TLR10: variants seen among roughly 807,000 people sequenced by gnomAD.
The protein encoded by TLR10 is toll like receptor 10, also known as toll-like receptor 10.
For synonymous variants in TLR10, 288 were observed against 338.8 expected, an observed-to-expected ratio of 0.85 and a Z score of 1.65; for missense variants, 929 against 932.9, an observed-to-expected ratio of 1.00 and a Z score of 0.05.
At chr4:38,779,885 T>C (rs1380590147) in intron 1 of TLR10, among the ~76,000 whole-genome samples, 1 of 152,226 alleles carries the variant, frequency 6.6e-6, no homozygotes. Flanking sequence ...GTCTGTCTTG[T>C]TCACTTCTGT....
At position 38,775,414 on chromosome 4, in the gene TLR10, G is replaced by A; in HGVS notation, c.177C>T (p.Leu59=). ...AATCTGAACTCTGGAGTTGAAAAAGGAGGTTATAGGATAAATCCAGTGTCG... is the reference window on the plus strand; with the variant it reads ...AATCTGAACTCTGGAGTTGAAAAAGAAGGTTATAGGATAAATCCAGTGTCG... ...ATTTLDLSYN[L]LFQLQSSDFH... is the part of the protein sequence containing the mutation. Residue 59 remains leucine, a synonymous_variant, in exon 4 of 4, where the codon CTC becomes CTT. Transcript: ENST00000308973. 1 of 1,614,138 alleles carries A rather than the reference G, an allele frequency of 6.2e-7. No individual in the cohort carries two copies. The highest frequency in any genetic ancestry group is 1.1e-5 in the South Asian group (1 of 91,078).
rs1482063892 is a variant in TLR10 at position 38,774,993 on chromosome 4, C to T, written c.598G>A (p.Asp200Asn). 1 of 1,613,166 alleles carries T rather than the reference C, an allele frequency of 6.2e-7. No individual in the cohort carries two copies. The highest frequency in any genetic ancestry group is 8.5e-7 in the Non-Finnish European group (1 of 1,179,780). ...TTKLHIVLPM[D>N]TNFWVLLRDG... ...CGCAAAAGAACCCAGAAATTTGTGTCCATTGGTAAAACAATGTGCAGTTTT... is the reference window on the plus strand; with the variant it reads ...CGCAAAAGAACCCAGAAATTTGTGTTCATTGGTAAAACAATGTGCAGTTTT... The change falls in exon 4 of 4, where the codon GAC becomes AAC. Residue 200 changes from aspartate (D) to asparagine (N), a missense_variant. Transcript: ENST00000308973.
chr4:38,777,444 AC>A (rs1299197555), intron 1 of TLR10, among the ~76,000 whole-genome samples: 31 of 152,298 alleles, frequency 2.0e-4, no homozygotes, highest in African/African-American at 6.0e-4. Flanking sequence ...GAAATAAGAA[AC>A]CAGCAGAAGA....
chr4:38,779,682 G>A (rs1383901112), intron 1 of TLR10, among the ~76,000 whole-genome samples: 3 of 152,084 alleles, frequency 2.0e-5, no homozygotes, highest in Admixed American at 6.6e-5. Flanking sequence ...AATGTATAAT[G>A]ATAAACTTTA....
At chr4:38,778,429 A>AAAATAAATAAAT (rs140633479) in intron 1 of TLR10, among the ~76,000 whole-genome samples, 2,457 of 149,094 alleles carry the variant, frequency 0.016, 49 homozygotes, top group East Asian at 0.08. Context: ...CTTACAGTAT[A>AAAATAAATAAAT]AAATAAATAA....
At position 38,773,345 on chromosome 4, in the gene TLR10, A is replaced by G. The variant is rs1299931252; in HGVS notation, c.2246T>C (p.Leu749Pro). The change falls in exon 4 of 4, where the codon CTG becomes CCG. Residue 749 changes from leucine to proline, a missense_variant. Leu to Pro is a moderately conservative substitution (Grantham distance 98). Coordinates refer to ENST00000308973, the MANE Select transcript of TLR10 (RefSeq NM_030956.4). ...CCATTCCAAGTATGCTTTTTTTTCC[A>G]GGAGAGCTTTCAGTTTATGATACCT... Reference protein sequence around the residue: ...PTRYHKLKALLEKKAYLEWPK... With the variant: ...PTRYHKLKALPEKKAYLEWPK... The G allele has an allele frequency of 1.9e-6, 3 of 1,613,304 alleles. No individual in the cohort carries two copies. Among genetic ancestry groups the G allele is most frequent in the Admixed American group, 3.3e-5 (2 of 59,780 alleles).
chr4:38,778,268 A>G (rs577135740), intron 1 of TLR10, among the ~76,000 whole-genome samples: 4 of 151,524 alleles, frequency 2.6e-5, no homozygotes, highest in Non-Finnish European at 5.9e-5. Context: ...ATTGACACAC[A>G]CCGGGGCCTG....
rs201896298 is a variant in TLR10 at position 38,773,939 on chromosome 4, T to A, written c.1652A>T (p.Tyr551Phe). The A allele has an allele frequency of 3.8e-6, 6 of 1,581,798 alleles. No homozygotes were observed. The East Asian group carries it at 1.1e-4, about 30-fold the overall frequency. ...TAGGTTTAAAGGGTATTCACAGGTG[T>A]ATGAATCTGACCATCCAACCATCAT... Reference protein sequence around the residue: ...EVMMVGWSDSYTCEYPLNLRG... With the variant: ...EVMMVGWSDSFTCEYPLNLRG... Residue 551 changes from tyrosine to phenylalanine, a missense_variant, in exon 4 of 4, where the codon TAC becomes TTC. Tyr to Phe is a conservative substitution (Grantham distance 22). Coordinates refer to ENST00000308973, the MANE Select transcript of TLR10 (RefSeq NM_030956.4).
rs1724833059 is a variant in TLR10, at chr4:38,773,921, A to C, written c.1670T>G (p.Leu557Ter). ...WSDSYTCEYPLNLRGTRLKDV... is the reference protein window; with the variant it reads ...WSDSYTCEYP ...TTTTAACCTAGTTCCCCTTAGGTTT[A>C]AAGGGTATTCACAGGTGTATGAATC... The change falls in exon 4 of 4, where the codon TTA becomes TGA. Residue 557 changes from leucine (L) to a stop codon, truncating the protein, a stop_gained. Coordinates refer to ENST00000308973, the MANE Select transcript of TLR10 (RefSeq NM_030956.4). LOFTEE classifies it low-confidence loss of function (END_TRUNC). The C allele has an allele frequency of 6.3e-7, 1 of 1,589,822 alleles. No individual in the cohort carries two copies. Among genetic ancestry groups the C allele is most frequent in the South Asian group, 1.2e-5 (1 of 86,408 alleles).
Position 38,773,971 on chromosome 4 carries a change from T to C in TLR10, c.1620A>G (p.Ser540=). ...CTGACCATCCAACCATCATGACCTC[T>C]GAATATGTTTCAAGCTGAATGAAAT... ...LKNFIQLETY[S]EVMMVGWSDS... Residue 540 remains serine, a synonymous_variant, in exon 4 of 4, where the codon TCA becomes TCG. Coordinates refer to ENST00000308973, the MANE Select transcript of TLR10 (RefSeq NM_030956.4). 1 of 1,587,648 alleles carries C rather than the reference T, an allele frequency of 6.3e-7. No individual in the cohort carries two copies. The highest frequency in any genetic ancestry group is 1.2e-5 in the South Asian group (1 of 86,952).
At position 38,772,620 on chromosome 4, in the gene TLR10, C is replaced by CT. The variant is rs199540767; in HGVS notation, c.*534dup. ...CCATGAGGATGTTTTCCATTTTTTT[C>CT]TTTTTTTTTTTTCTTTTTTTTGAGA... On this transcript the variant is annotated 3_prime_UTR_variant, in exon 4 of 4. Transcript: ENST00000308973. 42,172 of 138,556 alleles carry CT rather than the reference C, an allele frequency of 0.3. 8,078 individuals are homozygous for CT. Among genetic ancestry groups the CT allele is most frequent in the African/African-American group, 0.55 (21,030 of 38,426 alleles). 8.6% of individuals were successfully genotyped at this position (138,556 alleles called of 1,614,324 possible).
chr4:38,781,121 A>G (rs9995508), intron 1 of TLR10, among the ~76,000 whole-genome samples: 13,128 of 152,188 alleles, frequency 0.086, 1,184 homozygotes, highest in African/African-American at 0.24. Context: ...TAATATAACA[A>G]TAGTAAAGGT....
rs377263458 is a variant in TLR10 at position 38,776,202 on chromosome 4, G to T, written c.-344C>A. The T allele has an allele frequency of 2.7e-5, 5 of 188,096 alleles. No individual in the cohort carries two copies. The highest frequency in any genetic ancestry group is 5.3e-4 in the Middle Eastern group (1 of 1,904). The allele number at this position is 188,096 out of a possible 1,614,324, so 11.7% of individuals were successfully genotyped here. A position where few individuals can be genotyped will look rare whatever the true frequency, so the allele number is the denominator to read the frequency against. ...TTCAGGTTGGTGGCAAAAGCAATCTGGATTACTGCCAAATAATAGTATTAA... is the reference window on the plus strand; with the variant it reads ...TTCAGGTTGGTGGCAAAAGCAATCTTGATTACTGCCAAATAATAGTATTAA... On this transcript the variant is annotated 5_prime_UTR_variant, in exon 2 of 4. Coordinates refer to ENST00000308973, the MANE Select transcript of TLR10 (RefSeq NM_030956.4).
In TLR10 at chr4:38,772,857, G is replaced by A. The variant is rs1025009275; in HGVS notation, c.*298C>T. Reference sequence around the variant, plus strand: ...AGGATGGTCTCCATCTCTTGACCTCGTGGGTCACCCACCTTGGCCTCCCAT... The same window carrying A: ...AGGATGGTCTCCATCTCTTGACCTCATGGGTCACCCACCTTGGCCTCCCAT... On this transcript the variant is annotated 3_prime_UTR_variant, in exon 4 of 4. Coordinates refer to ENST00000308973, the MANE Select transcript of TLR10 (RefSeq NM_030956.4). The A allele has an allele frequency of 6.1e-5, 11 of 179,546 alleles. No individual in the cohort carries two copies. Among genetic ancestry groups the A allele is most frequent in the African/African-American group, 9.4e-5 (4 of 42,400 alleles). The allele number at this position is 179,546 out of a possible 1,614,324, so 11.1% of individuals were successfully genotyped here. A position where few individuals can be genotyped will look rare whatever the true frequency, so the allele number is the denominator to read the frequency against.
At chr4:38,782,179 C>A (rs183850264) in intron 1 of TLR10, among the ~76,000 whole-genome samples, 1 of 152,304 alleles carries the variant, frequency 6.6e-6, no homozygotes, top group Admixed American at 6.5e-5. Context: ...TCACCCCATG[C>A]CCCTGTCTAT....
At chr4:38,779,112 TA>T (rs1481102163) in intron 1 of TLR10, 2 of 152,170 alleles carry the variant, frequency 1.3e-5, no homozygotes, top group Non-Finnish European at 2.9e-5. Flanking sequence ...CTGATACTAG[TA>T]AAGGAGAGAG....
At chr4:38,777,781 T>C (rs1159730147) in intron 1 of TLR10, among the ~76,000 whole-genome samples, 1 of 152,136 alleles carries the variant, frequency 6.6e-6, no homozygotes, top group Admixed American at 6.5e-5. Context: ...ATGGTGATCA[T>C]TAAAAAGTCA....
At chr4:38,782,311 C>T (rs1169986788) in intron 1 of TLR10, among the ~76,000 whole-genome samples, 1 of 152,162 alleles carries the variant, frequency 6.6e-6, no homozygotes, top group Non-Finnish European at 1.5e-5. Context: ...AAATAAAACT[C>T]GAAGTGCATC....
In TLR10 at chr4:38,773,294, A is replaced by G. The variant is rs776757166; in HGVS notation, c.2297T>C (p.Leu766Pro). The G allele has an allele frequency of 6.2e-7, 1 of 1,612,424 alleles. No homozygotes were observed. Among genetic ancestry groups the G allele is most frequent in the Non-Finnish European group, 8.5e-7 (1 of 1,179,614 alleles). ...AGCAGCTCGAAGGTTTGCCCAGAAAAGCCCACATTTACGCCTATCCTTGGG... is the reference window on the plus strand; with the variant it reads ...AGCAGCTCGAAGGTTTGCCCAGAAAGGCCCACATTTACGCCTATCCTTGGG... ...EWPKDRRKCG[L>P]FWANLRAAIN... is the part of the protein sequence containing the mutation. Residue 766 changes from leucine to proline, a missense_variant, in exon 4 of 4, where the codon CTT (leucine) becomes CCT (proline). Coordinates refer to ENST00000308973, the MANE Select transcript of TLR10 (RefSeq NM_030956.4).
Sources: gnomAD v4.1 joint callset for allele counts (sites outside exome capture counted in the v4.1 genomes callset) on GRCh38, gnomAD v4.1.1 for gene constraint, MANE v1.5 for transcripts, NCBI Gene and HGNC (gene_info 2026-07-23, HGNC 2026-07-21) for gene names.